SYN3: variants seen among roughly 807,000 people sequenced by gnomAD.
SYN3 encodes the protein synapsin III, also known as synapsin-3.
A neutral mutation model predicts 65.8 loss-of-function variants in SYN3; 35 were observed. The observed-to-expected ratio is 0.53, with a 90% CI of 0.41 to 0.70. SYN3 has a LOEUF of 0.70. Ranked by LOEUF, SYN3 falls within the 30% of genes least tolerant of loss-of-function variation. The pLI, the probability that SYN3 is intolerant of heterozygous loss-of-function variation, is 0.00. For missense variants in SYN3, 680 were observed against 749.0 expected (o/e 0.91, Z 1.08); for synonymous variants, 270 against 292.9 (o/e 0.92, Z 0.80).
intron 12 of SYN3, among the ~76,000 whole-genome samples, chr22:32,523,474 C>G (rs950832336): frequency 6.6e-6 from 1 of 152,190 alleles, no homozygotes; most frequent in African/African-American, 2.4e-5. Flanking sequence ...GATTGTGCAA[C>G]TGTACTCCAG....
chr22:32,919,513 G>A (rs1259690731), intron 4 of SYN3, among the ~76,000 whole-genome samples: 1 of 152,182 alleles, frequency 6.6e-6, no homozygotes, highest in Admixed American at 6.5e-5. Flanking sequence ...AGAGGTGAAG[G>A]GAACACTTTT....
chr22:32,612,043 T>C (rs2059452436), intron 6 of SYN3, among the ~76,000 whole-genome samples: 1 of 151,166 alleles, frequency 6.6e-6, no homozygotes. Context: ...AAAACCTCCG[T>C]GTGCTAGGAG....
In SYN3 at chr22:32,518,128, G is replaced by A; in HGVS notation, c.1525C>T (p.Gln509Ter). The change falls in exon 13 of 14, where the codon CAG becomes TAG. Residue 509 changes from glutamine (Q) to a stop codon, truncating the protein, a stop_gained. Transcript: ENST00000358763. LOFTEE classifies it high-confidence loss of function. ...CGGCCCTGCACAGGGGGCCGGGGCT[G>A]TGAGGCGAGGGTGGCACCTGGCTTG... is the stretch of plus-strand genomic sequence containing the variant. ...ASKPGATLAS[Q>*]PRPPVQGRST... The A allele has an allele frequency of 6.2e-7, 1 of 1,604,896 alleles. No homozygotes were observed. The highest frequency in any genetic ancestry group is 8.5e-7 in the Non-Finnish European group (1 of 1,175,452).
At chr22:33,050,892 T>C (rs1378766546) in intron 1 of SYN3, among the ~76,000 whole-genome samples, 1 of 152,216 alleles carries the variant, frequency 6.6e-6, no homozygotes, top group Non-Finnish European at 1.5e-5. Context: ...GCTCGGATGA[T>C]GAAATAAATT....
At chr22:32,738,452 G>A (rs1602023498) in intron 6 of SYN3, among the ~76,000 whole-genome samples, 1 of 152,234 alleles carries the variant, frequency 6.6e-6, no homozygotes, top group East Asian at 1.9e-4. Context: ...ACTGGCAAAT[G>A]CAAAGCGCCA....
intron 7 of SYN3, among the ~76,000 whole-genome samples, chr22:32,569,561 C>CTATATA (rs1458371419): frequency 0.013 from 661 of 51,610 alleles, 5 homozygotes; most frequent in Admixed American, 0.024. Flanking sequence ...CTCTCTCTCT[C>CTATATA]TCTCTCTCTC....
At chr22:32,859,238 C>T in intron 6 of SYN3, 1 of 1,614,182 alleles carries the variant, frequency 6.2e-7, no homozygotes, top group Non-Finnish European at 8.5e-7. Flanking sequence ...TGTCTCTGGA[C>T]CGACATGCTC....
Position 32,569,561 on chromosome 22 carries a change from C to CTA in SYN3, c.774+27112_774+27113insTA, listed in dbSNP as rs1458371419. Among the ~76,000 whole-genome samples, 341 of 51,722 alleles carry CTA rather than the reference C, an allele frequency of 6.6e-3. 2 individuals are homozygous for CTA. The highest frequency in any genetic ancestry group is 0.045 in the East Asian group (15 of 330). The allele number at this position is 51,722 out of a possible 152,430, so 33.9% of individuals were successfully genotyped here. The stretch of plus-strand genomic sequence containing the variant: ...AATCTCTCTCTCTCTCTCTCTCTCT[C>CTA]TCTCTCTCTCTATATATATATATAT... On this transcript the variant is annotated intron_variant, in intron 7 of 13. Transcript: ENST00000358763.
chr22:32,776,033 C>G (rs150331098), intron 6 of SYN3, among the ~76,000 whole-genome samples: 2 of 152,106 alleles, frequency 1.3e-5, no homozygotes, highest in Non-Finnish European at 2.9e-5. Flanking sequence ...TATCCTTATA[C>G]GAGGCAGGCA....
chr22:32,633,074 T>C (rs1009707552), intron 6 of SYN3, among the ~76,000 whole-genome samples: 11 of 152,240 alleles, frequency 7.2e-5, no homozygotes, highest in Admixed American at 2.6e-4. Context: ...GAACCTTGGT[T>C]TCCTCATTTA....
chr22:32,694,301 C>A (rs892235900), intron 6 of SYN3, among the ~76,000 whole-genome samples: 3 of 152,182 alleles, frequency 2.0e-5, no homozygotes, highest in Non-Finnish European at 4.4e-5. Context: ...CCTTCCCCTG[C>A]CACATATAAG....
intron 6 of SYN3, among the ~76,000 whole-genome samples, chr22:32,849,101 G>A (rs537516104): frequency 2.2e-4 from 34 of 152,342 alleles, no homozygotes; most frequent in African/African-American, 7.5e-4. Flanking sequence ...GGACAAGGGA[G>A]GGGGGACAAT....
At chr22:32,849,217 G>A (rs1278952854) in intron 6 of SYN3, among the ~76,000 whole-genome samples, 1 of 152,154 alleles carries the variant, frequency 6.6e-6, no homozygotes, top group Non-Finnish European at 1.5e-5. Flanking sequence ...TCTGGAGCTG[G>A]CAATTGTGAA....
chr22:32,766,569 G>C (rs8135298), intron 6 of SYN3, among the ~76,000 whole-genome samples: 1 of 152,096 alleles, frequency 6.6e-6, no homozygotes, highest in African/African-American at 2.4e-5. Context: ...CTATTGCATC[G>C]CACAGCCAAT....
At position 32,969,621 on chromosome 22, in the gene SYN3, C is replaced by T. The variant is rs115393867; in HGVS notation, c.369+11024G>A. On this transcript the variant is annotated intron_variant, in intron 3 of 13. Coordinates refer to ENST00000358763, the MANE Select transcript of SYN3 (RefSeq NM_003490.4). ...GGGACCCAGGAGATGAAAGCTAGTG[C>T]TCTCCACACTTTGGACTCCAACAAT... is the stretch of plus-strand genomic sequence containing the variant. Among the ~76,000 whole-genome samples the T allele has an allele frequency of 5.5e-3, 834 of 152,298 alleles. 3 individuals carry two copies. Among genetic ancestry groups the T allele is most frequent in the African/African-American group, 0.018 (760 of 41,564 alleles).
rs761147851 is a variant in SYN3, at chr22:33,006,441, G to A, written c.222C>T (p.Thr74=). 1 of 1,614,172 alleles carries A rather than the reference G, an allele frequency of 6.2e-7. No individual in the cohort carries two copies. Among genetic ancestry groups the A allele is most frequent in the East Asian group, 2.2e-5 (1 of 44,890 alleles). The change falls in exon 2 of 14, where the codon ACC becomes ACT. Residue 74 remains threonine, a synonymous_variant. Coordinates refer to ENST00000358763, the MANE Select transcript of SYN3 (RefSeq NM_003490.4). ...GACCTGGAGGCTCCATCAGTCCTGA[G>A]GTGGCCTGAGGGGCCTGCTTCATGG... ...SSAMKQAPQA[T]SGLMEPPGPS...
chr22:33,009,783 C>CACAT (rs1255240333), intron 1 of SYN3, among the ~76,000 whole-genome samples: 2 of 136,176 alleles, frequency 1.5e-5, no homozygotes, highest in African/African-American at 2.7e-5. Context: ...CACACACACA[C>CACAT]ACACACACAC....
intron 7 of SYN3, among the ~76,000 whole-genome samples, chr22:32,567,219 A>C (rs914625798): frequency 1.3e-5 from 2 of 152,156 alleles, no homozygotes; most frequent in Admixed American, 1.3e-4. Context: ...GTTTTCTCCA[A>C]CTGTGCTCAG....
chr22:32,513,788 G>T lies in SYN3; in HGVS notation c.1647C>A (p.Ser549=), dbSNP rs144848309. ...SQSLTNSLST[S]DTSQRGTPSE... ...TTGGGGTCCCACGCTGGGAGGTGTC[G>T]GATGTGCTGAGGCTGTTAGTCAGGG... The change falls in exon 14 of 14, where the codon TCC becomes TCA. Residue 549 remains serine, a synonymous_variant. Coordinates refer to ENST00000358763, the MANE Select transcript of SYN3 (RefSeq NM_003490.4). The T allele has an allele frequency of 2.5e-6, 4 of 1,614,044 alleles. No individual in the cohort carries two copies. The African/African-American group carries it at 5.3e-5, about 22-fold the overall frequency.
Sources: allele counts gnomAD v4.1 joint callset (sites outside exome capture counted in the v4.1 genomes callset), GRCh38; gene constraint gnomAD v4.1.1; transcripts MANE v1.5; gene names NCBI Gene and HGNC (gene_info 2026-07-23, HGNC 2026-07-21).